Variants in TP73 observed in about 807,000 individuals in gnomAD.
TP73 encodes p53-like transcription factor.
In TP73, 25 loss-of-function variants were observed where a neutral mutation model predicts 62.5. The ratio of observed to expected loss-of-function variants is 0.40; its 90% CI spans 0.29 to 0.56. TP73 has a LOEUF of 0.56. TP73 is among the 20% of genes least tolerant of loss of function. The pLI, the probability that TP73 is intolerant of heterozygous loss-of-function variation, is 0.46. For missense variants in TP73, 754 were observed against 913.3 expected (o/e 0.83, Z 2.25); for synonymous variants, 423 against 377.5 (o/e 1.12, Z -1.40).
chr1:3,707,983 C>T, intron 4 of TP73, 192 bp downstream of exon 4: 3 of 888,908 alleles, frequency 3.4e-6, no homozygotes, highest in Admixed American at 2.8e-5. Flanking sequence ...GTGCCCACCC[C>T]TCTAGACGTG....
rs544882377 is a variant in TP73 at position 3,733,110 on chromosome 1, G to A, written c.*31G>A. The stretch of plus-strand genomic sequence containing the variant: ...TCGCCTGGCTGCAGCCTGCGCCACC[G>A]CCCAGAGACCCAAGCTGCCTCCCCT... On this transcript the variant is annotated 3_prime_UTR_variant, in exon 14 of 14. Transcript: ENST00000378295. 40 of 1,501,784 alleles carry A rather than the reference G, an allele frequency of 2.7e-5. No individual in the cohort carries two copies. The Middle Eastern group carries it at 1.0e-3, about 38-fold the overall frequency. 93.0% of individuals were successfully genotyped at this position (1,501,784 alleles called of 1,614,324 possible). A position where few individuals can be genotyped will look rare whatever the true frequency, so the allele number is the denominator to read the frequency against.
intron 1 of TP73, among the ~76,000 whole-genome samples, chr1:3,660,739 G>A (rs917042147): frequency 3.9e-5 from 6 of 152,148 alleles, no homozygotes; most frequent in African/African-American, 9.7e-5. Flanking sequence ...AAATCTTCTC[G>A]AAGACACAAC....
At position 3,692,690 on chromosome 1, in the gene TP73, C is replaced by T. The variant is rs114536867; in HGVS notation, c.186+9510C>T. ...AAGCCTCGGGTGGAGAGGCCAGTGT[C>T]GCTGCCTGGCCAGCCGAGAAGCCTG... On this transcript the variant is annotated intron_variant, in intron 3 of 13. Coordinates refer to ENST00000378295, the MANE Select transcript of TP73 (RefSeq NM_005427.4). 5.9e-3 allele frequency among the ~76,000 whole-genome samples: 900 copies of T among 152,218 alleles called. 6 individuals carry two copies. The highest frequency in any genetic ancestry group is 0.02 in the African/African-American group (841 of 41,530).
At chr1:3,705,525 G>A (rs1293402856) in intron 3 of TP73, among the ~76,000 whole-genome samples, 1 of 152,258 alleles carries the variant, frequency 6.6e-6, no homozygotes, top group Admixed American at 6.5e-5. Context: ...TTCAGCCGAG[G>A]CCTCGTGCCA....
rs1369088330 is a variant in TP73, at chr1:3,672,396, G to A, written c.-33-9937G>A. On this transcript the variant is annotated intron_variant, in intron 1 of 13. Coordinates refer to ENST00000378295, the MANE Select transcript of TP73 (RefSeq NM_005427.4). The surrounding 1 kb of genome is among the most constrained non-coding windows in gnomAD (Gnocchi z 5.3). ...ATCCCTTGGGGTAGAAAGGGGGTGT[G>A]AGAGGAGGATCGGAGGGGGCAGAGG... 6.6e-6 allele frequency among the ~76,000 whole-genome samples: 1 copy of A among 152,158 alleles called. No homozygotes were observed. The highest frequency in any genetic ancestry group is 1.5e-5 in the Non-Finnish European group (1 of 68,014).
chr1:3,669,357 T>A (rs1645190482), intron 1 of TP73, among the ~76,000 whole-genome samples: 1 of 152,150 alleles, frequency 6.6e-6, no homozygotes, highest in Non-Finnish European at 1.5e-5. Context: ...GTTCTCCTGA[T>A]GGGACAAGCC....
chr1:3,714,550 C>T (rs1250127742), intron 4 of TP73, among the ~76,000 whole-genome samples: 3 of 152,264 alleles, frequency 2.0e-5, no homozygotes, highest in African/African-American at 7.2e-5. Flanking sequence ...CCTGCTGGGC[C>T]CCTCGTGGGA....
At chr1:3,702,943 G>C (rs1639317895) in intron 3 of TP73, among the ~76,000 whole-genome samples, 1 of 152,210 alleles carries the variant, frequency 6.6e-6, no homozygotes, top group African/African-American at 2.4e-5. Context: ...AGGGTTCCCT[G>C]TTTCAGCAGC....
intron 6 of TP73, among the ~76,000 whole-genome samples, chr1:3,725,394 G>GGAT (rs1641421340): frequency 6.8e-6 from 1 of 148,142 alleles, no homozygotes; most frequent in Non-Finnish European, 1.5e-5. Context: ...GTGGATGGAT[G>GGAT]GGGGTGGGTG....
At chr1:3,708,124 C>T (rs143646345) in intron 4 of TP73, 1 of 399,752 alleles carries the variant, frequency 2.5e-6, no homozygotes, top group African/African-American at 2.0e-5. Flanking sequence ...AAATCCTGTC[C>T]TGGACAGAGG....
intron 4 of TP73, among the ~76,000 whole-genome samples, chr1:3,716,624 G>T (rs1271761232): frequency 1.3e-5 from 2 of 152,190 alleles, no homozygotes; most frequent in Admixed American, 1.3e-4. Flanking sequence ...GCTCTCTGAG[G>T]GCGACAGTGA....
chr1:3,684,223 C>T (rs1645593061), intron 3 of TP73, among the ~76,000 whole-genome samples: 1 of 152,230 alleles, frequency 6.6e-6, no homozygotes. Flanking sequence ...CTGGCTGCCC[C>T]GCCCCGCCTC....
chr1:3,679,454 T>C lies in TP73; in HGVS notation c.-33-2879T>C, dbSNP rs543403163. 3.9e-5 allele frequency among the ~76,000 whole-genome samples: 6 copies of C among 152,290 alleles called. No homozygotes were observed. The South Asian group carries it at 1.2e-3, about 32-fold the overall frequency. On this transcript the variant is annotated intron_variant, in intron 1 of 13. Coordinates refer to ENST00000378295, the MANE Select transcript of TP73 (RefSeq NM_005427.4). ...TTCCCTCTGTTTCTCTGTCTGTCTC[T>C]GTCTGTCTCTGTCTCCCTGTCTCTC...
intron 3 of TP73, chr1:3,690,702 A>T (rs1645793318): frequency 7.0e-7 from 1 of 1,427,760 alleles, no homozygotes; most frequent in Middle Eastern, 2.6e-4. Context: ...ACTAAGGGAG[A>T]TGGGAAAAGC....
At chr1:3,693,363 G>C (rs1311444998) in intron 3 of TP73, among the ~76,000 whole-genome samples, 1 of 152,176 alleles carries the variant, frequency 6.6e-6, no homozygotes. Context: ...CACAGTAGCT[G>C]CTCCGGAGCC....
rs1303753633 is a variant in TP73 at position 3,727,988 on chromosome 1, C to T, written c.986-141C>T. 122 of 1,164,908 alleles carry T rather than the reference C, an allele frequency of 1.0e-4. No individual in the cohort carries two copies. In the East Asian group the frequency reaches 2.7e-3, roughly 26 times the overall value. 72.2% of individuals were successfully genotyped at this position (1,164,908 alleles called of 1,614,324 possible). A position where few individuals can be genotyped will look rare whatever the true frequency, so the allele number is the denominator to read the frequency against. ...GCCTGGGTGGCACCGCAGGTTTGCC[C>T]GTCCCTGTGGGTTGCTCACCACCGG... On this transcript the variant is annotated intron_variant, in intron 8 of 13. Transcript: ENST00000378295.
chr1:3,703,857 G>A (rs971096400), intron 3 of TP73, among the ~76,000 whole-genome samples: 1 of 152,220 alleles, frequency 6.6e-6, no homozygotes, highest in Non-Finnish European at 1.5e-5. Flanking sequence ...ACTCAAATGA[G>A]TCAGGAATGG....
Position 3,699,055 on chromosome 1 carries a change from G to A in TP73, c.187-8494G>A, listed in dbSNP as rs1638926500. 6.6e-6 allele frequency among the ~76,000 whole-genome samples: 1 copy of A among 151,422 alleles called. No individual in the cohort carries two copies. Among genetic ancestry groups the A allele is most frequent in the Non-Finnish European group, 1.5e-5 (1 of 67,988 alleles). The stretch of plus-strand genomic sequence containing the variant: ...TGAGAGCAGAGGGTGCTGTGGGTGA[G>A]AGCACAGGGTGCTGTGGGTGAGAGC... On this transcript the variant is annotated intron_variant, in intron 3 of 13. Coordinates refer to ENST00000378295, the MANE Select transcript of TP73 (RefSeq NM_005427.4). The surrounding 1 kb of genome is among the most constrained non-coding windows in gnomAD (Gnocchi z 4.1).
chr1:3,730,096 G>A lies in TP73; in HGVS notation c.1293G>A (p.Val431=). ...MNKLPSVNQL[V]GQPPPHSSAA... ...AGCTGCCCTCCGTCAACCAGCTGGT[G>A]GGCCAGCCTCCCCCGCACAGTTCGG... Residue 431 remains valine, a synonymous_variant, in exon 11 of 14, where the codon GTG becomes GTA. Transcript: ENST00000378295. 1 of 1,589,890 alleles carries A rather than the reference G, an allele frequency of 6.3e-7. No homozygotes were observed. Among genetic ancestry groups the A allele is most frequent in the South Asian group, 1.1e-5 (1 of 87,568 alleles).
Sources: gnomAD v4.1 joint callset for allele counts (sites outside exome capture counted in the v4.1 genomes callset) on GRCh38, gnomAD v4.1.1 for gene constraint, Gnocchi (gnomAD v3.1) non-coding constraint, MANE v1.5 for transcripts, NCBI Gene and HGNC (gene_info 2026-07-23, HGNC 2026-07-21) for gene names.